Variants in SELENBP1 observed in about 807,000 individuals in gnomAD.
SELENBP1 encodes selenium binding protein 1.
SELENBP1 carries 71 observed loss-of-function variants against 61.0 expected under a neutral mutation model. That is an observed-to-expected ratio of 1.16 (90% CI 0.96 to 1.42). SELENBP1 has a LOEUF of 1.42. Ranked by LOEUF, SELENBP1 falls within the 40% of genes most tolerant of loss-of-function variation. The pLI, the probability that SELENBP1 is intolerant of heterozygous loss-of-function variation, is 0.00. For missense variants in SELENBP1, 561 were observed against 605.0 expected, an observed-to-expected ratio of 0.93 and a Z score of 0.76; for synonymous variants, 270 against 238.9, an observed-to-expected ratio of 1.13 and a Z score of -1.20.
Position 151,364,526 on chromosome 1 carries a change from G to T in SELENBP1, c.*17C>A. On this transcript the variant is annotated 3_prime_UTR_variant, in exon 12 of 12. Coordinates refer to ENST00000368868, the MANE Select transcript of SELENBP1 (RefSeq NM_003944.4). ...GTGAGGGCCCAAAATAGGGAGTGTGGGTGATGAGGGTGGAGTTCAAATCCA... is the reference window on the plus strand; with the variant it reads ...GTGAGGGCCCAAAATAGGGAGTGTGTGTGATGAGGGTGGAGTTCAAATCCA... 6.2e-7 allele frequency: 1 copy of T among 1,613,726 alleles called. No homozygotes were observed. Among genetic ancestry groups the T allele is most frequent in the South Asian group, 1.1e-5 (1 of 91,058 alleles).
In SELENBP1 at chr1:151,369,193, G is replaced by C. The variant is rs1382950719; in HGVS notation, c.175-4C>G. ...GCATGGGCAGCCGGTGGATGACCTA[G>C]GATGCGGGGAGAGGTGGTGCTCCCC... On this transcript the variant is annotated splice_polypyrimidine_tract_variant and splice_region_variant and intron_variant, in intron 3 of 11. Coordinates refer to ENST00000368868, the MANE Select transcript of SELENBP1 (RefSeq NM_003944.4). 1 of 1,606,320 alleles carries C rather than the reference G, an allele frequency of 6.2e-7. No individual in the cohort carries two copies. Among genetic ancestry groups the C allele is most frequent in the Non-Finnish European group, 8.5e-7 (1 of 1,174,102 alleles).
rs755063632 is a variant in SELENBP1 at position 151,365,182 on chromosome 1, C to T, written c.1137+7G>A. ...GGGGTCCAGCAAGTAGGGGGAGAGG[C>T]TCTTACCTTGACCACTAGGGGCTCT... On this transcript the variant is annotated splice_region_variant and intron_variant, in intron 10 of 11. Transcript: ENST00000368868. The T allele has an allele frequency of 1.2e-6, 2 of 1,613,120 alleles. No individual in the cohort carries two copies. Among genetic ancestry groups the T allele is most frequent in the East Asian group, 4.5e-5 (2 of 44,870 alleles).
In SELENBP1 at chr1:151,369,425, C is replaced by T. The variant is rs765634331; in HGVS notation, c.174+17G>A. ...AGCTATGGTCTCAAAGTAGCTGGCGCCCAAGCCCCGCCTAACCTGGCAATA... is the reference window on the plus strand; with the variant it reads ...AGCTATGGTCTCAAAGTAGCTGGCGTCCAAGCCCCGCCTAACCTGGCAATA... On this transcript the variant is annotated intron_variant, in intron 3 of 11. Coordinates refer to ENST00000368868, the MANE Select transcript of SELENBP1 (RefSeq NM_003944.4). The T allele has an allele frequency of 8.1e-6, 13 of 1,600,824 alleles. No individual in the cohort carries two copies. In the East Asian group the frequency reaches 2.7e-4, roughly 33 times the overall value.
In SELENBP1 at chr1:151,364,510, C is replaced by T. The variant is rs1451555110; in HGVS notation, c.*33G>A. The T allele has an allele frequency of 3.1e-6, 5 of 1,613,090 alleles. No individual in the cohort carries two copies. The highest frequency in any genetic ancestry group is 1.7e-5 in the Admixed American group (1 of 59,974). On this transcript the variant is annotated 3_prime_UTR_variant, in exon 12 of 12. Transcript: ENST00000368868. ...CCAGGTCCCCAAGGAAGTGAGGGCCCAAAATAGGGAGTGTGGGTGATGAGG... is the reference window on the plus strand; with the variant it reads ...CCAGGTCCCCAAGGAAGTGAGGGCCTAAAATAGGGAGTGTGGGTGATGAGG...
In SELENBP1 at chr1:151,365,549, G is replaced by C; in HGVS notation, c.1044+14C>G. On this transcript the variant is annotated intron_variant, in intron 9 of 11. Coordinates refer to ENST00000368868, the MANE Select transcript of SELENBP1 (RefSeq NM_003944.4). ...TCCTTCCTTCCCTTCTGCTCCTCCT[G>C]CCAGGGTCTCCACCTGTCCTGTGAG... 1.9e-6 allele frequency: 3 copies of C among 1,613,734 alleles called. No homozygotes were observed. Among genetic ancestry groups the C allele is most frequent in the Non-Finnish European group, 2.5e-6 (3 of 1,179,904 alleles).
In SELENBP1 at chr1:151,366,881, C is replaced by T. The variant is rs764382800; in HGVS notation, c.505G>A (p.Glu169Lys). Residue 169 changes from glutamate (E) to lysine (K), a missense_variant, in exon 6 of 12, where the codon GAG (glutamate) becomes AAG (lysine). Coordinates refer to ENST00000368868, the MANE Select transcript of SELENBP1 (RefSeq NM_003944.4). ...GKGGFVLLDG[E>K]TFEVKGTWER... ...CATGTCCCCTTCACCTCGAACGTCT[C>T]CCCATCCAGCAGCACAAAACCCCCT... 27 of 1,614,078 alleles carry T rather than the reference C, an allele frequency of 1.7e-5. No individual in the cohort carries two copies. The highest frequency in any genetic ancestry group is 4.2e-6 in the Non-Finnish European group (5 of 1,179,972).
In SELENBP1 at chr1:151,368,316, T is replaced by C. The variant is rs35396382; in HGVS notation, c.364A>G (p.Ile122Val). ...EPRAPKLHKV[I>V]EPKDIHAKCE... ...TTGGCATGGATGTCCTTGGGCTCAA[T>C]GACCTGGAAGGGGTGGGGAATGGTG... The change falls in exon 5 of 12, where the codon ATT becomes GTT. Residue 122 changes from isoleucine to valine, a missense_variant. Physicochemically the swap from Ile to Val is conservative, Grantham distance 29. Coordinates refer to ENST00000368868, the MANE Select transcript of SELENBP1 (RefSeq NM_003944.4). 2.9e-5 allele frequency: 47 copies of C among 1,614,012 alleles called. No individual in the cohort carries two copies. The Admixed American group carries it at 4.2e-4, about 14-fold the overall frequency.
chr1:151,368,776 A>C (rs1318601133), intron 4 of SELENBP1, among the ~76,000 whole-genome samples: 1 of 152,190 alleles, frequency 6.6e-6, no homozygotes, highest in Non-Finnish European at 1.5e-5. Flanking sequence ...AGAGTAAAAC[A>C]AGAAGCCTTG....
rs757722880 is a variant in SELENBP1 at position 151,366,420 on chromosome 1, C to G, written c.698G>C (p.Trp233Ser). The G allele has an allele frequency of 4.3e-6, 7 of 1,613,870 alleles. No homozygotes were observed. Among genetic ancestry groups the G allele is most frequent in the African/African-American group, 1.3e-5 (1 of 74,930 alleles). The part of the protein sequence containing the change: ...LYGSHLYVWD[W>S]QRHEIVQTLS... ...GGTCTGCACAATCTCATGGCGCTGCCAGTCCCATACATATAAGTGGCTCCC... is the reference window on the plus strand; with the variant it reads ...GGTCTGCACAATCTCATGGCGCTGCGAGTCCCATACATATAAGTGGCTCCC... The change falls in exon 7 of 12, where the codon TGG (tryptophan) becomes TCG (serine). Residue 233 changes from tryptophan (W) to serine (S), a missense_variant. By Grantham distance (177) the Trp-to-Ser change is radical. Coordinates refer to ENST00000368868, the MANE Select transcript of SELENBP1 (RefSeq NM_003944.4).
At chr1:151,366,593 C>T (rs543519961) in intron 6 of SELENBP1, 129 bp downstream of exon 6, 111 of 1,379,752 alleles carry the variant, frequency 8.0e-5, no homozygotes, top group Middle Eastern at 3.7e-4. Context: ...TCTGAGCATG[C>T]GGTACATCCT....
Position 151,364,954 on chromosome 1 carries a change from C to G in SELENBP1, c.1228G>C (p.Asp410His), listed in dbSNP as rs772832463. The change falls in exon 11 of 12, where the codon GAC becomes CAC. Residue 410 changes from aspartate to histidine, a missense_variant. Physicochemically the swap from Asp to His is moderately conservative, Grantham distance 81. Transcript: ENST00000368868. The stretch of plus-strand genomic sequence containing the variant: ...ATGAGATCAGGGTAAAACTGCTTGT[C>G]CCAGGCACTGTACAGCGACGTGGTG... ...YITTSLYSAWDKQFYPDLIRE... is the reference protein window; with the variant it reads ...YITTSLYSAWHKQFYPDLIRE... 6.2e-7 allele frequency: 1 copy of G among 1,613,812 alleles called. No homozygotes were observed. The highest frequency in any genetic ancestry group is 1.7e-5 in the Admixed American group (1 of 59,970).
chr1:151,365,343 G>T (rs1651751312), intron 9 of SELENBP1, 62 bp from the exon 10 acceptor site: 7 of 1,542,302 alleles, frequency 4.5e-6, no homozygotes, highest in South Asian at 1.1e-5. Context: ...ATTGCAGGAA[G>T]AGCAGCTTGC....
intron 4 of SELENBP1, 72 bp from the exon 5 acceptor site, chr1:151,368,391 C>G (rs1196286197): frequency 1.5e-5 from 23 of 1,571,796 alleles, no homozygotes; most frequent in Non-Finnish European, 2.0e-5. Flanking sequence ...CCATACTTCC[C>G]CTACTTCTAT....
Position 151,364,744 on chromosome 1 carries a change from G to T in SELENBP1, c.1257-39C>A. The T allele has an allele frequency of 2.6e-6, 4 of 1,542,254 alleles. No individual in the cohort carries two copies. The South Asian group carries it at 5.1e-5, about 20-fold the overall frequency. On this transcript the variant is annotated intron_variant, in intron 11 of 11. Transcript: ENST00000368868. ...GAATGGGGTAAGGGAGAGGTCAGAG[G>T]TGGCTGCCCCCTTCCCCTAAGATTT...
chr1:151,365,082 C>G (rs1286341726), intron 10 of SELENBP1, 38 bp from the exon 11 acceptor site: 2 of 1,591,196 alleles, frequency 1.3e-6, no homozygotes, highest in African/African-American at 1.3e-5. Flanking sequence ...GGGTAACACA[C>G]AGATCCTAGG....
rs1245708715 is a variant in SELENBP1 at position 151,366,281 on chromosome 1, C to T, written c.837G>A (p.Lys279=). The T allele has an allele frequency of 6.2e-7, 1 of 1,613,122 alleles. No homozygotes were observed. Among genetic ancestry groups the T allele is most frequent in the Non-Finnish European group, 8.5e-7 (1 of 1,179,534 alleles). Residue 279 remains lysine (K), a synonymous_variant, in exon 7 of 12, where the codon AAG becomes AAA. Coordinates refer to ENST00000368868, the MANE Select transcript of SELENBP1 (RefSeq NM_003944.4). ...ALSSTIQRFY[K]NEGGTWSVEK... is the part of the protein sequence containing the mutation. ...GCCAGAGGGCGTATGTCACCTCGTT[C>T]TTGTAGAAGCGCTGGATGGTGGAGC...
chr1:151,370,010 C>T lies in SELENBP1; in HGVS notation c.5-241G>A, dbSNP rs576532391. ...GTGGACAGACAGTCCAGCAGGGCCC[C>T]GGGAGGGTGGGAGGAGGGCTGATGC... On this transcript the variant is annotated intron_variant, in intron 1 of 11. Coordinates refer to ENST00000368868, the MANE Select transcript of SELENBP1 (RefSeq NM_003944.4). 2.6e-5 allele frequency: 38 copies of T among 1,438,558 alleles called. No individual in the cohort carries two copies. In the East Asian group the frequency reaches 3.3e-4, roughly 12 times the overall value. 89.1% of individuals were successfully genotyped at this position (1,438,558 alleles called of 1,614,324 possible).
At chr1:151,370,228 T>C in intron 1 of SELENBP1, 1 of 305,850 alleles carries the variant, frequency 3.3e-6, no homozygotes. Flanking sequence ...GTGCAGTAGG[T>C]GTGCAGCTCT....
rs200986037 is a variant in SELENBP1 at position 151,364,705 on chromosome 1, C to T, written c.1257G>A (p.Arg419=). The part of the protein sequence containing the change: ...WDKQFYPDLI[R]EGSVMLQVDV... ...CAACCTGCAGCATCACAGAGCCTTC[C>T]CTGGTGGAAAAGGGAATGGGGTAAG... Residue 419 remains arginine, a splice_region_variant and synonymous_variant, in exon 12 of 12, where the codon AGG becomes AGA. Transcript: ENST00000368868. The T allele has an allele frequency of 2.5e-5, 40 of 1,575,870 alleles. No individual in the cohort carries two copies. Among genetic ancestry groups the T allele is most frequent in the Admixed American group, 1.2e-4 (7 of 56,040 alleles).
Sources: allele counts gnomAD v4.1 joint callset (sites outside exome capture counted in the v4.1 genomes callset), GRCh38; gene constraint gnomAD v4.1.1; transcripts MANE v1.5; gene names NCBI Gene and HGNC (gene_info 2026-07-23, HGNC 2026-07-21).